The following CEP44 variants were observed in gnomAD, a reference collection of about 807,000 sequenced individuals.
The protein encoded by CEP44 is centrosomal protein of 44 kDa.
Under a neutral mutation model 46.7 loss-of-function variants are expected in CEP44, and 45 were observed. The observed-to-expected ratio is 0.96, with a 90% CI of 0.76 to 1.24. The LOEUF is 1.24. Ranked by LOEUF, CEP44 falls within the 50% of genes most tolerant of loss-of-function variation. CEP44 has a pLI of 0.00. For synonymous variants in CEP44, 142 were observed against 146.0 expected (o/e 0.97, Z 0.20); for missense variants, 475 against 459.7 (o/e 1.03, Z -0.30).
intron 4 of CEP44, among the ~76,000 whole-genome samples, chr4:174,303,405 T>G (rs1739987570): frequency 6.6e-6 from 1 of 152,214 alleles, no homozygotes; most frequent in African/African-American, 2.4e-5. Flanking sequence ...AAGAAGTTTT[T>G]CTAATATCTC....
Position 174,309,034 on chromosome 4 carries a change from T to A in CEP44, c.678+175T>A, listed in dbSNP as rs1740773971. Among the ~76,000 whole-genome samples the A allele has an allele frequency of 6.6e-6, 1 of 152,138 alleles. No homozygotes were observed. Among genetic ancestry groups the A allele is most frequent in the South Asian group, 2.1e-4 (1 of 4,832 alleles). On this transcript the variant is annotated intron_variant, in intron 7 of 11. Transcript: ENST00000503780. This position sits in a 1 kb window ranked among gnomAD's most constrained non-coding sequence, Gnocchi z 5.3. ...AGTCTTACTAAAATAATTCAACAAA[T>A]ATTTGCTGCATATGTGTAGGGTGCT... is the stretch of plus-strand genomic sequence containing the variant.
chr4:174,310,830 T>G lies in CEP44; in HGVS notation c.933T>G (p.Ser311=), dbSNP rs753264933. 18 of 1,526,688 alleles carry G rather than the reference T, an allele frequency of 1.2e-5. No homozygotes were observed. The South Asian group carries it at 2.0e-4, about 17-fold the overall frequency. 94.6% of individuals were successfully genotyped at this position (1,526,688 alleles called of 1,614,324 possible). A position where few individuals can be genotyped will look rare whatever the true frequency, so the allele number is the denominator to read the frequency against. Residue 311 remains serine, a synonymous_variant, in exon 9 of 12, where the codon TCT becomes TCG. Transcript: ENST00000503780. The surrounding 1 kb of genome is among the most constrained non-coding windows in gnomAD (Gnocchi z 4.2). ...ATGAAGTTAGTGAAGACTACGCTTC[T>G]TGTAGTGACATGGACCTTCTGAATC... ...EFNEVSEDYA[S]CSDMDLLNPH...
intron 2 of CEP44, 72 bp from the exon 3 acceptor site, chr4:174,299,000 T>A: frequency 1.2e-6 from 1 of 802,276 alleles, no homozygotes; most frequent in Non-Finnish European, 2.0e-6. Flanking sequence ...ATAGGAGATA[T>A]GACCAAAATA....
At chr4:174,332,904 G>C (rs973214062) in exon 9 of CEP44, 1 of 152,152 alleles carries the variant, frequency 6.6e-6, no homozygotes, top group Non-Finnish European at 1.5e-5. Context: ...GCTAGAAAAC[G>C]TGGAGACATT....
chr4:174,317,266 C>A, intron 11 of CEP44, 69 bp from the exon 12 acceptor site: 1 of 637,002 alleles, frequency 1.6e-6, no homozygotes, highest in South Asian at 4.8e-5. Flanking sequence ...AGCATAATTT[C>A]AACAACTAAA....
At chr4:174,321,471 A>G (rs576656556), downstream of CEP44, among the ~76,000 whole-genome samples, 1 of 152,270 alleles carries the variant, frequency 6.6e-6, no homozygotes, top group South Asian at 2.1e-4. Flanking sequence ...TAAGCTTTGT[A>G]CAAATAACTT....
In CEP44 at chr4:174,310,595, A is replaced by C. The variant is rs1369386596; in HGVS notation, c.886-188A>C. ...AGAAGGTGAAGTCAAGTAGCTTGCT[A>C]TCTGCTTCCATATTTAAAACATTTC... On this transcript the variant is annotated intron_variant, in intron 8 of 11. Coordinates refer to ENST00000503780, the MANE Select transcript of CEP44 (RefSeq NM_001040157.3). This position sits in a 1 kb window ranked among gnomAD's most constrained non-coding sequence, Gnocchi z 4.2. Among the ~76,000 whole-genome samples the C allele has an allele frequency of 1.3e-5, 2 of 151,938 alleles. No individual in the cohort carries two copies. The highest frequency in any genetic ancestry group is 3.8e-4 in the East Asian group (2 of 5,196).
rs571184392 is a variant in CEP44, at chr4:174,325,627, C to G, written c.1087-5855C>G. On this transcript the variant is annotated intron_variant, in intron 8 of 8. Transcript: ENST00000426172. The surrounding 1 kb of genome is among the most constrained non-coding windows in gnomAD (Gnocchi z 4.4). ...CTATGAATATATCACTGCACTCCAG[C>G]CTGGGTGACAGAGCAAGACCCTGTC... Among the ~76,000 whole-genome samples, 1 of 152,142 alleles carries G rather than the reference C, an allele frequency of 6.6e-6. No homozygotes were observed. The highest frequency in any genetic ancestry group is 1.9e-4 in the East Asian group (1 of 5,174).
Position 174,309,744 on chromosome 4 carries a change from C to T in CEP44, c.679-106C>T, listed in dbSNP as rs554691137. On this transcript the variant is annotated intron_variant, in intron 7 of 11. Coordinates refer to ENST00000503780, the MANE Select transcript of CEP44 (RefSeq NM_001040157.3). The surrounding 1 kb of genome is among the most constrained non-coding windows in gnomAD (Gnocchi z 5.3). ...TAGCTCTCTTAACTCTCAAGCAGGA[C>T]GGTCTCTCCTAACTGTTGAGATAAC... The T allele has an allele frequency of 4.5e-5, 33 of 741,222 alleles. No homozygotes were observed. In the East Asian group the frequency reaches 6.0e-4, roughly 13 times the overall value. The allele number at this position is 741,222 out of a possible 1,614,324, so 45.9% of individuals were successfully genotyped here. A position where few individuals can be genotyped will look rare whatever the true frequency, so the allele number is the denominator to read the frequency against.
chr4:174,298,605 A>G (rs1236299619), intron 2 of CEP44, among the ~76,000 whole-genome samples: 1 of 152,140 alleles, frequency 6.6e-6, no homozygotes, highest in African/African-American at 2.4e-5. Flanking sequence ...TTTTTAGGAA[A>G]GGTATCTTTT....
rs1308815669 is a variant in CEP44, at chr4:174,301,264, G to A, written c.90-775G>A. On this transcript the variant is annotated intron_variant, in intron 3 of 11. Coordinates refer to ENST00000503780, the MANE Select transcript of CEP44 (RefSeq NM_001040157.3). This position sits in a 1 kb window ranked among gnomAD's most constrained non-coding sequence, Gnocchi z 4.3. Reference sequence around the variant, plus strand: ...GAACAAATACCTCCTGTGCTTTGTTGTGGGAAAATCAGTGAAGGTACTTCA... The same window carrying A: ...GAACAAATACCTCCTGTGCTTTGTTATGGGAAAATCAGTGAAGGTACTTCA... 6.6e-6 allele frequency among the ~76,000 whole-genome samples: 1 copy of A among 152,118 alleles called. No homozygotes were observed. Among genetic ancestry groups the A allele is most frequent in the East Asian group, 1.9e-4 (1 of 5,196 alleles).
chr4:174,316,588 A>G (rs368304393), intron 11 of CEP44, 21 bp downstream of exon 11: 78 of 1,576,998 alleles, frequency 4.9e-5, no homozygotes, highest in Non-Finnish European at 6.4e-5. Flanking sequence ...GAAAGGGGCA[A>G]CAGAAATTCA....
At chr4:174,322,655 T>A (rs532321395), downstream of CEP44, among the ~76,000 whole-genome samples, 1 of 152,304 alleles carries the variant, frequency 6.6e-6, no homozygotes, top group Non-Finnish European at 1.5e-5. Flanking sequence ...AGCACAATGC[T>A]TGGTACATAG....
Position 174,311,958 on chromosome 4 carries a change from T to G in CEP44, c.961+1100T>G, listed in dbSNP as rs1741127753. On this transcript the variant is annotated intron_variant, in intron 9 of 11. Coordinates refer to ENST00000503780, the MANE Select transcript of CEP44 (RefSeq NM_001040157.3). This position sits in a 1 kb window ranked among gnomAD's most constrained non-coding sequence, Gnocchi z 4.4. ...TGCAGATTTCAGATTTGGTAAAATG[T>G]TGCCTGTTTTATTTATCCATTCATA... Among the ~76,000 whole-genome samples, 1 of 152,228 alleles carries G rather than the reference T, an allele frequency of 6.6e-6. No individual in the cohort carries two copies. The highest frequency in any genetic ancestry group is 1.5e-5 in the Non-Finnish European group (1 of 68,030).
chr4:174,318,077 G>T lies in CEP44; in HGVS notation c.*694G>T. 2.0e-6 allele frequency: 2 copies of T among 982,660 alleles called. No homozygotes were observed. The highest frequency in any genetic ancestry group is 2.4e-6 in the Non-Finnish European group (2 of 827,664). 60.9% of individuals were successfully genotyped at this position (982,660 alleles called of 1,614,324 possible). On this transcript the variant is annotated 3_prime_UTR_variant, in exon 12 of 12. Coordinates refer to ENST00000503780, the MANE Select transcript of CEP44 (RefSeq NM_001040157.3). ...TGCTCTATTGTATAATTTTTTTGGA[G>T]GGGGGGATGGAGTTTCGCTGTTGTT...
chr4:174,294,654 C>T (rs1164973411), intron 1 of CEP44, among the ~76,000 whole-genome samples: 39 of 148,732 alleles, frequency 2.6e-4, no homozygotes, highest in Admixed American at 4.0e-4. Context: ...CCAGACGGGG[C>T]GGCTGGCCGG....
Position 174,316,418 on chromosome 4 carries a change from G to A in CEP44, c.1087-112G>A, listed in dbSNP as rs116152474. ...TTAGTCTCTCAAAATTCTTTCATAA[G>A]TAAACAGTACTTAATGCAATGTTTC... On this transcript the variant is annotated intron_variant, in intron 10 of 11. Transcript: ENST00000503780. 2,328 of 1,359,732 alleles carry A rather than the reference G, an allele frequency of 1.7e-3. 39 individuals carry two copies. The African/African-American group carries it at 0.031, about 18-fold the overall frequency. The allele number at this position is 1,359,732 out of a possible 1,614,324, so 84.2% of individuals were successfully genotyped here. A position where few individuals can be genotyped will look rare whatever the true frequency, so the allele number is the denominator to read the frequency against.
upstream of CEP44, chr4:174,283,786 G>A (rs1050311257): frequency 2.8e-5 from 11 of 397,074 alleles, no homozygotes; most frequent in Non-Finnish European, 4.4e-5. The surrounding 1 kb of genome is among the most constrained non-coding windows in gnomAD (Gnocchi z 6.7). Flanking sequence ...TGACCATCAA[G>A]ATCAGAAAAA....
chr4:174,333,248 G>T (rs1731398033), exon 9 of CEP44: 1 of 148,974 alleles, frequency 6.7e-6, no homozygotes, highest in East Asian at 2.0e-4. Flanking sequence ...TTCTTTATAT[G>T]ATTCAATTTT....
Sources: gnomAD v4.1 joint callset for allele counts (sites outside exome capture counted in the v4.1 genomes callset) on GRCh38, gnomAD v4.1.1 for gene constraint, Gnocchi (gnomAD v3.1) non-coding constraint, MANE v1.5 for transcripts, NCBI Gene and HGNC (gene_info 2026-07-23, HGNC 2026-07-21) for gene names.